The following PALLD variants were observed in gnomAD, a reference collection of about 807,000 sequenced individuals.
The protein encoded by PALLD is palladin.
PALLD carries 61 observed loss-of-function variants against 123.5 expected under a neutral mutation model. That is an observed-to-expected ratio of 0.49 (90% CI 0.40 to 0.61). The LOEUF is 0.61. Ranked by LOEUF, PALLD falls within the 20% of genes least tolerant of loss-of-function variation. The pLI is 0.00. For synonymous variants in PALLD, 465 were observed against 496.4 expected, an observed-to-expected ratio of 0.94 and a Z score of 0.84; for missense variants, 1,273 against 1,377.0, an observed-to-expected ratio of 0.92 and a Z score of 1.20.
intron 2 of PALLD, among the ~76,000 whole-genome samples, chr4:168,546,587 T>C (rs1766158602): frequency 6.6e-6 from 1 of 152,066 alleles, no homozygotes; most frequent in African/African-American, 2.4e-5. Context: ...TTTAAGCCCC[T>C]GAAAATTCAT....
chr4:168,829,105 A>G (rs1743832366), intron 10 of PALLD: 1 of 152,268 alleles, frequency 6.6e-6, no homozygotes, highest in African/African-American at 2.4e-5. Flanking sequence ...AGGCTTGTTC[A>G]AAGTGATGGC....
chr4:168,781,124 T>G (rs1039461863), intron 10 of PALLD, among the ~76,000 whole-genome samples: 4 of 152,236 alleles, frequency 2.6e-5, no homozygotes, highest in Non-Finnish European at 5.9e-5. Flanking sequence ...TTCTTTCAAT[T>G]TTTGTGATGA....
At chr4:168,528,986 G>A (rs1764337380) in intron 2 of PALLD, among the ~76,000 whole-genome samples, 1 of 152,144 alleles carries the variant, frequency 6.6e-6, no homozygotes, top group Non-Finnish European at 1.5e-5. Flanking sequence ...CAAAAGGAAG[G>A]TAGAAAGGAA....
At chr4:168,789,230 A>G in intron 10 of PALLD, among the ~76,000 whole-genome samples, 1 of 152,214 alleles carries the variant, frequency 6.6e-6, no homozygotes, top group East Asian at 1.9e-4. Context: ...CTAGAACATT[A>G]TACCATCTTT....
In PALLD at chr4:168,576,205, A is replaced by T. The variant is rs191586242; in HGVS notation, c.908+63793A>T. On this transcript the variant is annotated intron_variant, in intron 2 of 21. Transcript: ENST00000505667. ...TTCATAATCTGTGGTGCTTACAATT[A>T]TTTAATATAATTGGCAGCATTTTCT... is the stretch of plus-strand genomic sequence containing the variant. Among the ~76,000 whole-genome samples, 300 of 152,240 alleles carry T rather than the reference A, an allele frequency of 2.0e-3. 2 individuals carry two copies. Among genetic ancestry groups the T allele is most frequent in the African/African-American group, 6.8e-3 (281 of 41,568 alleles).
intron 2 of PALLD, among the ~76,000 whole-genome samples, chr4:168,562,882 C>T (rs190267372): frequency 1.1e-4 from 17 of 152,232 alleles, no homozygotes; most frequent in African/African-American, 4.1e-4. Context: ...TCAGAAGATG[C>T]CTGCAGCTCC....
chr4:168,641,843 C>T (rs1267690565), intron 2 of PALLD, among the ~76,000 whole-genome samples: 1 of 152,148 alleles, frequency 6.6e-6, no homozygotes, highest in African/African-American at 2.4e-5. Context: ...GCCAGTTTCC[C>T]CAGAGAGGCA....
At chr4:168,721,163 C>T (rs1785974393) in intron 10 of PALLD, among the ~76,000 whole-genome samples, 2 of 152,212 alleles carry the variant, frequency 1.3e-5, no homozygotes, top group Admixed American at 1.3e-4. Context: ...AGGTGTTTTA[C>T]ATGAAGGAAT....
rs141790179 is a variant in PALLD, at chr4:168,600,344, C to T, written c.909-67846C>T. On this transcript the variant is annotated intron_variant, in intron 2 of 21. Coordinates refer to ENST00000505667, the MANE Select transcript of PALLD (RefSeq NM_001166108.2). ...AGGACTTCTACTTATAAAAATTTGT[C>T]TATTTTTACTCTATTCCTCTCCCCC... Among the ~76,000 whole-genome samples the T allele has an allele frequency of 7.7e-3, 1,170 of 152,194 alleles. 11 individuals carry two copies. The highest frequency in any genetic ancestry group is 0.027 in the African/African-American group (1,102 of 41,556).
chr4:168,813,852 A>G (rs1741529996), intron 10 of PALLD, among the ~76,000 whole-genome samples: 1 of 105,520 alleles, frequency 9.5e-6, no homozygotes, highest in African/African-American at 3.0e-5. Flanking sequence ...GAAGCTTTGG[A>G]AAGGCTATTA....
At chr4:168,919,522 TAAA>T (rs1209353195) in intron 17 of PALLD, among the ~76,000 whole-genome samples, 6 of 124,540 alleles carry the variant, frequency 4.8e-5, no homozygotes, top group African/African-American at 1.8e-4. Flanking sequence ...AAGACTGTCT[TAAA>T]AAAAAAAAAA....
chr4:168,620,621 G>A (rs947747092), intron 2 of PALLD, among the ~76,000 whole-genome samples: 6 of 152,162 alleles, frequency 3.9e-5, no homozygotes, highest in African/African-American at 1.2e-4. Flanking sequence ...GCACTATGTA[G>A]AGGCTGGCTT....
At chr4:168,679,080 A>T (rs1194263681) in intron 3 of PALLD, among the ~76,000 whole-genome samples, 1 of 81,000 alleles carries the variant, frequency 1.2e-5, no homozygotes, top group African/African-American at 5.1e-5. Flanking sequence ...TGGGGTGAGT[A>T]TGGATGTGTT....
Position 168,632,018 on chromosome 4 carries a change from G to C in PALLD, c.909-36172G>C, listed in dbSNP as rs543609808. 18 of 542,106 alleles carry C rather than the reference G, an allele frequency of 3.3e-5. No individual in the cohort carries two copies. In the East Asian group the frequency reaches 2.5e-3, roughly 75 times the overall value. The allele number at this position is 542,106 out of a possible 1,614,324, so 33.6% of individuals were successfully genotyped here. A position where few individuals can be genotyped will look rare whatever the true frequency, so the allele number is the denominator to read the frequency against. ...ACTGTTTGGGGTGTTTAGTTGTAGTGGACTCAGAATACCGTGTTCCGCCAC... is the reference window on the plus strand; with the variant it reads ...ACTGTTTGGGGTGTTTAGTTGTAGTCGACTCAGAATACCGTGTTCCGCCAC... On this transcript the variant is annotated intron_variant, in intron 2 of 21. Transcript: ENST00000505667.
At chr4:168,641,596 A>C (rs1776953605) in intron 2 of PALLD, among the ~76,000 whole-genome samples, 1 of 152,096 alleles carries the variant, frequency 6.6e-6, no homozygotes, top group Non-Finnish European at 1.5e-5. Flanking sequence ...CTCTCTTTAG[A>C]GCACTCTGCT....
chr4:168,786,530 A>C (rs965177756), intron 10 of PALLD, among the ~76,000 whole-genome samples: 2 of 152,120 alleles, frequency 1.3e-5, no homozygotes, highest in Non-Finnish European at 2.9e-5. Context: ...TTTTAAAAAA[A>C]TTATCCAGGC....
At chr4:168,919,027 A>G (rs1420783960) in intron 17 of PALLD, among the ~76,000 whole-genome samples, 1 of 152,158 alleles carries the variant, frequency 6.6e-6, no homozygotes, top group Non-Finnish European at 1.5e-5. Context: ...AAAAAATAAG[A>G]GAGTGACTAA....
At chr4:168,659,774 T>C (rs891889707) in intron 2 of PALLD, among the ~76,000 whole-genome samples, 5 of 152,206 alleles carry the variant, frequency 3.3e-5, no homozygotes, top group Non-Finnish European at 7.3e-5. Context: ...AGCCACATGT[T>C]TAAAATACAG....
intron 2 of PALLD, among the ~76,000 whole-genome samples, chr4:168,556,950 G>A (rs1444203449): frequency 6.6e-6 from 1 of 152,174 alleles, no homozygotes; most frequent in African/African-American, 2.4e-5. Context: ...TAGAAGGCAG[G>A]AAGCAGAGCA....
Sources: allele counts gnomAD v4.1 joint callset (sites outside exome capture counted in the v4.1 genomes callset), GRCh38; gene constraint gnomAD v4.1.1; transcripts MANE v1.5; gene names NCBI Gene and HGNC (gene_info 2026-07-23, HGNC 2026-07-21).